VAV3: variants seen among roughly 807,000 people sequenced by gnomAD.
VAV3 encodes the protein guanine nucleotide exchange factor VAV3.
In VAV3, 94 loss-of-function variants were observed where a neutral mutation model predicts 131.2. The ratio of observed to expected loss-of-function variants is 0.72; its 90% confidence interval spans 0.61 to 0.85. The LOEUF (loss-of-function observed/expected upper bound fraction) is 0.85, where lower values mean the gene tolerates loss of function less well. Ranked by LOEUF, VAV3 falls within the 40% of genes least tolerant of loss-of-function variation. VAV3 has a pLI of 0.00. For missense variants in VAV3, 939 were observed against 1,002.7 expected (o/e 0.94, Z 0.86); for synonymous variants, 349 against 342.0 (o/e 1.02, Z -0.22).
At chr1:107,684,442 A>G (rs985755214) in intron 18 of VAV3, among the ~76,000 whole-genome samples, 1 of 152,218 alleles carries the variant, frequency 6.6e-6, no homozygotes. Flanking sequence ...GGCTGTGCTA[A>G]GCACACATTA....
intron 21 of VAV3, among the ~76,000 whole-genome samples, chr1:107,611,789 T>TGG (rs1652755967): frequency 6.6e-6 from 1 of 152,100 alleles, no homozygotes; most frequent in Non-Finnish European, 1.5e-5. Context: ...CCACTAGAGC[T>TGG]TTTCTCTCTT....
chr1:107,811,808 C>T (rs1173528583), intron 2 of VAV3, among the ~76,000 whole-genome samples: 1 of 152,150 alleles, frequency 6.6e-6, no homozygotes, highest in Non-Finnish European at 1.5e-5. Context: ...AGGTGATAAA[C>T]ATCCTGCAAC....
chr1:107,824,854 A>G (rs1345424860), intron 2 of VAV3, among the ~76,000 whole-genome samples: 3 of 152,142 alleles, frequency 2.0e-5, no homozygotes, highest in Admixed American at 6.5e-5. Flanking sequence ...ATAAAAATAT[A>G]AAAAGCAATA....
chr1:107,820,561 T>C (rs1667754932), intron 2 of VAV3, among the ~76,000 whole-genome samples: 1 of 151,782 alleles, frequency 6.6e-6, no homozygotes, highest in Non-Finnish European at 1.5e-5. Context: ...CACAACAGAG[T>C]GATTACAGTT....
At chr1:107,721,380 T>C (rs1040096601) in intron 15 of VAV3, among the ~76,000 whole-genome samples, 1 of 152,110 alleles carries the variant, frequency 6.6e-6, no homozygotes, top group Admixed American at 6.6e-5. Context: ...CCAATAACCT[T>C]TATCAAGGTC....
intron 25 of VAV3, chr1:107,578,921 C>G: frequency 1.0e-6 from 1 of 984,336 alleles, no homozygotes. Flanking sequence ...AGTGAAAACA[C>G]AGTTAAATGC....
rs76498889 is a variant in VAV3, at chr1:107,704,189, G to A, written c.1705+361C>T. ...AAAGGAAATTTAAGAACTAAAGATA[G>A]AAGAATATATTCTTTCTGTTGTTTT... On this transcript the variant is annotated intron_variant, in intron 17 of 26. Coordinates refer to ENST00000370056, the MANE Select transcript of VAV3 (RefSeq NM_006113.5). 8.0e-3 allele frequency among the ~76,000 whole-genome samples: 1,213 copies of A among 152,262 alleles called. 18 individuals are homozygous for A. Among genetic ancestry groups the A allele is most frequent in the African/African-American group, 0.027 (1,104 of 41,540 alleles).
At chr1:107,741,638 A>T (rs553146890) in intron 15 of VAV3, among the ~76,000 whole-genome samples, 3 of 152,274 alleles carry the variant, frequency 2.0e-5, no homozygotes, top group South Asian at 4.1e-4. Flanking sequence ...TGGGAAAATT[A>T]AAAAAATATA....
intron 25 of VAV3, among the ~76,000 whole-genome samples, chr1:107,594,040 A>C (rs2101061482): frequency 6.6e-6 from 1 of 152,230 alleles, no homozygotes; most frequent in East Asian, 1.9e-4. Context: ...TAAAGTAAAT[A>C]AAACACTGGA....
At chr1:107,633,060 A>G (rs1045703816) in intron 20 of VAV3, among the ~76,000 whole-genome samples, 3 of 152,216 alleles carry the variant, frequency 2.0e-5, no homozygotes, top group Non-Finnish European at 2.9e-5. Context: ...TTGTCACAGA[A>G]TCTCAATTAT....
chr1:107,916,141 T>C (rs1571137000), intron 1 of VAV3, among the ~76,000 whole-genome samples: 1 of 152,116 alleles, frequency 6.6e-6, no homozygotes, highest in Non-Finnish European at 1.5e-5. Flanking sequence ...TTTTCAAACA[T>C]TGATCCAGAC....
chr1:107,811,968 C>T (rs1157726774), intron 2 of VAV3, among the ~76,000 whole-genome samples: 1 of 152,128 alleles, frequency 6.6e-6, no homozygotes, highest in African/African-American at 2.4e-5. Context: ...TCATTTTCTA[C>T]AAGTGGACAA....
intron 2 of VAV3, chr1:107,785,384 G>C (rs1355888658): frequency 1.2e-5 from 15 of 1,264,016 alleles, no homozygotes; most frequent in Non-Finnish European, 1.5e-5. Flanking sequence ...ACCCATACCA[G>C]ACCCAAAAGG....
At chr1:107,860,192 C>T (rs1340303240) in intron 2 of VAV3, among the ~76,000 whole-genome samples, 1 of 152,150 alleles carries the variant, frequency 6.6e-6, no homozygotes, top group Non-Finnish European at 1.5e-5. Context: ...ATGATCTCGA[C>T]TCACTGCAGC....
intron 19 of VAV3, among the ~76,000 whole-genome samples, chr1:107,660,980 C>G (rs968989238): frequency 6.6e-6 from 1 of 151,824 alleles, no homozygotes; most frequent in African/African-American, 2.4e-5. Flanking sequence ...GCAGTGTATA[C>G]AAGATGACCT....
chr1:107,771,788 G>A (rs1424496941), intron 5 of VAV3, among the ~76,000 whole-genome samples: 6 of 152,248 alleles, frequency 3.9e-5, no homozygotes, highest in Admixed American at 3.9e-4. Context: ...AGTGAAGAAT[G>A]CACTAGCACT....
intron 17 of VAV3, among the ~76,000 whole-genome samples, chr1:107,696,216 A>T (rs1222016521): frequency 6.6e-6 from 1 of 152,188 alleles, no homozygotes; most frequent in Non-Finnish European, 1.5e-5. Flanking sequence ...GTGATATTTC[A>T]ATATATGTAT....
intron 1 of VAV3, among the ~76,000 whole-genome samples, chr1:107,929,414 C>T (rs2101195845): frequency 6.6e-6 from 1 of 152,086 alleles, no homozygotes; most frequent in East Asian, 1.9e-4. Context: ...AACACCAGAC[C>T]TGTCCTACAA....
chr1:107,586,074 C>T (rs559773509), intron 25 of VAV3, among the ~76,000 whole-genome samples: 32 of 151,882 alleles, frequency 2.1e-4, no homozygotes, highest in African/African-American at 7.5e-4. Context: ...TTTCATCACC[C>T]AACCAGCCCA....
Sources: gnomAD v4.1 joint callset for allele counts (sites outside exome capture counted in the v4.1 genomes callset) on GRCh38, gnomAD v4.1.1 for gene constraint, MANE v1.5 for transcripts, NCBI Gene and HGNC (gene_info 2026-07-23, HGNC 2026-07-21) for gene names.